Variants in KCNU1 observed in about 807,000 individuals in gnomAD.
KCNU1 encodes potassium channel subfamily U member 1.
Under a neutral mutation model 126.8 loss-of-function variants are expected in KCNU1, and 93 were observed. The ratio of observed to expected loss-of-function variants is 0.73; its 90% CI spans 0.62 to 0.87. The LOEUF is 0.87. Ranked by LOEUF, KCNU1 falls within the 40% of genes least tolerant of loss-of-function variation. The pLI is 0.00. For synonymous variants in KCNU1, 523 were observed against 494.2 expected, an observed-to-expected ratio of 1.06 and a Z score of -0.77; for missense variants, 1,330 against 1,367.1, an observed-to-expected ratio of 0.97 and a Z score of 0.43.
At chr8:36,785,184 T>C (rs538197166) in intron 1 of KCNU1, among the ~76,000 whole-genome samples, 73 of 152,358 alleles carry the variant, frequency 4.8e-4, no homozygotes, top group African/African-American at 1.7e-3. Context: ...GTTGATGTTG[T>C]TGAATAACAG....
intron 18 of KCNU1, among the ~76,000 whole-genome samples, chr8:36,851,432 G>A (rs1413573331): frequency 2.0e-5 from 3 of 149,898 alleles, no homozygotes; most frequent in Non-Finnish European, 3.0e-5. Flanking sequence ...ACCACCATGT[G>A]AAGAAGGTCC....
intron 24 of KCNU1, among the ~76,000 whole-genome samples, chr8:36,926,558 A>G (rs1808540148): frequency 6.6e-6 from 1 of 152,290 alleles, no homozygotes; most frequent in East Asian, 1.9e-4. Flanking sequence ...AGTTAGGATG[A>G]AGGACCAACA....
intron 19 of KCNU1, among the ~76,000 whole-genome samples, chr8:36,890,814 T>C (rs755680447): frequency 2.0e-5 from 3 of 151,868 alleles, no homozygotes; most frequent in Non-Finnish European, 4.4e-5. Context: ...AGATAAATCA[T>C]GCTAACACTT....
intron 10 of KCNU1, among the ~76,000 whole-genome samples, chr8:36,821,507 C>T (rs773188221): frequency 6.6e-6 from 1 of 152,122 alleles, no homozygotes; most frequent in Non-Finnish European, 1.5e-5. Flanking sequence ...AGCCCCCATC[C>T]AGGTCTAGGC....
intron 10 of KCNU1, among the ~76,000 whole-genome samples, chr8:36,828,370 A>C (rs1357024229): frequency 6.6e-6 from 1 of 152,124 alleles, no homozygotes; most frequent in Non-Finnish European, 1.5e-5. Context: ...ATTTAACTGT[A>C]TAATCCTCCC....
intron 19 of KCNU1, among the ~76,000 whole-genome samples, chr8:36,870,331 G>C (rs925998618): frequency 1.3e-5 from 2 of 152,070 alleles, no homozygotes; most frequent in Non-Finnish European, 2.9e-5. Flanking sequence ...TTATGCTCAC[G>C]CATGACTCCT....
At position 36,931,101 on chromosome 8, in the gene KCNU1, C is replaced by T. The variant is rs759931632; in HGVS notation, c.2887C>T (p.Leu963=). The T allele has an allele frequency of 1.4e-5, 22 of 1,611,622 alleles. No homozygotes were observed. Among genetic ancestry groups the T allele is most frequent in the Non-Finnish European group, 1.8e-5 (21 of 1,178,756 alleles). ...CTTGTCTGGAAGAAACCGGTGTAAGCTGGGGCTTCTGTCCTTACACGAAAC... is the reference window on the plus strand; with the variant it reads ...CTTGTCTGGAAGAAACCGGTGTAAGTTGGGGCTTCTGTCCTTACACGAAAC... ...SLLSGRNRCK[L]GLLSLHETIL... is the part of the protein sequence containing the mutation. Residue 963 remains leucine, a synonymous_variant, in exon 25 of 27, where the codon CTG becomes TTG. Transcript: ENST00000399881.
At chr8:36,921,733 G>A (rs1017752070) in intron 23 of KCNU1, among the ~76,000 whole-genome samples, 1 of 151,462 alleles carries the variant, frequency 6.6e-6, no homozygotes, top group Non-Finnish European at 1.5e-5. Context: ...GGACCACAGT[G>A]ACCAGCGGTA....
intron 12 of KCNU1, among the ~76,000 whole-genome samples, chr8:36,836,014 A>G (rs1232392999): frequency 6.6e-6 from 1 of 152,170 alleles, no homozygotes; most frequent in Non-Finnish European, 1.5e-5. Flanking sequence ...TAAAACATGA[A>G]ACTGTTGATT....
intron 2 of KCNU1, among the ~76,000 whole-genome samples, chr8:36,803,240 T>C (rs1296832105): frequency 6.6e-6 from 1 of 152,116 alleles, no homozygotes; most frequent in Admixed American, 6.5e-5. Flanking sequence ...TGAGCTAAAA[T>C]AAAGAGAAGA....
intron 10 of KCNU1, among the ~76,000 whole-genome samples, chr8:36,821,367 T>G (rs1193578246): frequency 6.6e-6 from 1 of 152,196 alleles, no homozygotes; most frequent in African/African-American, 2.4e-5. Context: ...CTACCACTTT[T>G]GATGGGGCTT....
intron 18 of KCNU1, among the ~76,000 whole-genome samples, chr8:36,862,586 T>C (rs1805771418): frequency 6.6e-6 from 1 of 152,162 alleles, no homozygotes; most frequent in South Asian, 2.1e-4. Flanking sequence ...CCTTCTTCCA[T>C]AATTATGAAA....
At chr8:36,822,155 T>C (rs1804152438) in intron 10 of KCNU1, among the ~76,000 whole-genome samples, 1 of 152,064 alleles carries the variant, frequency 6.6e-6, no homozygotes, top group Non-Finnish European at 1.5e-5. Context: ...TGCCAGCCCT[T>C]AAGACTCCTG....
At chr8:36,882,474 C>A (rs534005758) in intron 19 of KCNU1, among the ~76,000 whole-genome samples, 1 of 152,214 alleles carries the variant, frequency 6.6e-6, no homozygotes, top group South Asian at 2.1e-4. Context: ...CCTCTTGCCC[C>A]TTCTCTGCCT....
chr8:36,805,322 C>T, intron 4 of KCNU1, 37 bp downstream of exon 4: 1 of 1,202,434 alleles, frequency 8.3e-7, no homozygotes, highest in Non-Finnish European at 1.2e-6. Flanking sequence ...AATATCCAAA[C>T]ACCACAGGCA....
At chr8:36,833,422 T>C (rs576251714) in intron 10 of KCNU1, 132 bp from the exon 11 acceptor site, 34 of 494,992 alleles carry the variant, frequency 6.9e-5, no homozygotes, top group African/African-American at 5.7e-4. Flanking sequence ...AAAAATAGTA[T>C]TAACTTGATT....
Position 36,850,064 on chromosome 8 carries a change from C to CG in KCNU1, c.1891+4165_1891+4166insG, listed in dbSNP as rs560191462. The stretch of plus-strand genomic sequence containing the variant: ...TCATTATGGTTTTGATCTAAATTTT[C>CG]CTAAATGGCATTTTTTCATGAGGAG... On this transcript the variant is annotated intron_variant, in intron 18 of 26. Transcript: ENST00000399881. Among the ~76,000 whole-genome samples, 378 of 152,244 alleles carry CG rather than the reference C, an allele frequency of 2.5e-3. 1 individual carries two copies. Among genetic ancestry groups the CG allele is most frequent in the Non-Finnish European group, 3.8e-3 (257 of 68,016 alleles).
rs1808831827 is a variant in KCNU1 at position 36,935,686 on chromosome 8, A to C, written c.3216A>C (p.Thr1072=). The change falls in exon 27 of 27, where the codon ACA becomes ACC. Residue 1072 remains threonine (T), a synonymous_variant. Transcript: ENST00000399881. ...AGACAACAGAGACACATTCAGACAC[A>C]AATTGTCCTCCCACCATTGATTCAG... ...ASQTTETHSD[T]NCPPTIDSVT... The C allele has an allele frequency of 6.2e-7, 1 of 1,613,498 alleles. No homozygotes were observed. Among genetic ancestry groups the C allele is most frequent in the Non-Finnish European group, 8.5e-7 (1 of 1,179,568 alleles).
chr8:36,841,995 G>A (rs889292635), intron 16 of KCNU1, among the ~76,000 whole-genome samples: 1 of 152,038 alleles, frequency 6.6e-6, no homozygotes, highest in Admixed American at 6.6e-5. Flanking sequence ...AAAAGAAAAG[G>A]GGTGGGGCTT....
Sources: allele counts gnomAD v4.1 joint callset (sites outside exome capture counted in the v4.1 genomes callset), GRCh38; gene constraint gnomAD v4.1.1; transcripts MANE v1.5; gene names NCBI Gene and HGNC (gene_info 2026-07-23, HGNC 2026-07-21).